FRAS1: variants seen among roughly 807,000 people sequenced by gnomAD.
FRAS1 encodes extracellular matrix organizing protein FRAS1.
A neutral mutation model predicts 435.2 loss-of-function variants in FRAS1; 290 were observed. The observed-to-expected ratio is 0.67, with a 90% CI of 0.61 to 0.73. The LOEUF (loss-of-function observed/expected upper bound fraction) is 0.73, where lower values mean the gene tolerates loss of function less well. Among genes scored for constraint, FRAS1 ranks in the 30% least tolerant of loss-of-function variants. The pLI is 0.00. For synonymous variants in FRAS1, 1,800 were observed against 1,851.0 expected (o/e 0.97, Z 0.71); for missense variants, 4,860 against 5,001.5 (o/e 0.97, Z 0.85).
chr4:78,306,608 T>C (rs1728726989), intron 14 of FRAS1, among the ~76,000 whole-genome samples: 1 of 144,788 alleles, frequency 6.9e-6, no homozygotes, highest in South Asian at 2.3e-4. Flanking sequence ...TTCATTTCAT[T>C]CATTTCATCT....
chr4:78,085,118 CTT>C (rs1241352885), intron 2 of FRAS1, among the ~76,000 whole-genome samples: 1 of 151,878 alleles, frequency 6.6e-6, no homozygotes, highest in East Asian at 1.9e-4. Context: ...TTTAGAATGT[CTT>C]TTGTCTAAGG....
intron 2 of FRAS1, among the ~76,000 whole-genome samples, chr4:78,228,527 G>C (rs1228108475): frequency 2.0e-5 from 3 of 152,032 alleles, no homozygotes; most frequent in Non-Finnish European, 2.9e-5. Context: ...ACATTTTCTG[G>C]GTATTTTATT....
intron 15 of FRAS1, among the ~76,000 whole-genome samples, chr4:78,311,209 T>A (rs1022151566): frequency 2.0e-5 from 3 of 152,180 alleles, no homozygotes; most frequent in Non-Finnish European, 4.4e-5. Context: ...TCCCTTTTTT[T>A]AATCTTCATT....
intron 14 of FRAS1, among the ~76,000 whole-genome samples, chr4:78,298,507 TG>T (rs1183997102): frequency 1.3e-5 from 2 of 152,010 alleles, no homozygotes; most frequent in African/African-American, 4.8e-5. Context: ...TGTCTGGCCA[TG>T]GAACATGTCT....
Position 78,513,451 on chromosome 4 carries a change from T to C in FRAS1, c.10073T>C (p.Met3358Thr). 1 of 1,614,006 alleles carries C rather than the reference T, an allele frequency of 6.2e-7. No individual in the cohort carries two copies. Among genetic ancestry groups the C allele is most frequent in the Non-Finnish European group, 8.5e-7 (1 of 1,179,874 alleles). ...QDGMLPLIST[M>T]PLHNLHFLLS... is the part of the protein sequence containing the mutation. ...GGAATGCTGCCCCTTATCTCCACCA[T>C]GCCGTTGCACAACTTACATTTTCTA... is the stretch of plus-strand genomic sequence containing the variant. The change falls in exon 65 of 74, where the codon ATG (methionine) becomes ACG (threonine). Residue 3358 changes from methionine (M) to threonine (T), a missense_variant. Transcript: ENST00000512123.
chr4:78,164,049 G>A (rs1364409153), intron 2 of FRAS1, among the ~76,000 whole-genome samples: 1 of 152,206 alleles, frequency 6.6e-6, no homozygotes, highest in African/African-American at 2.4e-5. Context: ...CAATAAGCTG[G>A]CGATAGCTAG....
chr4:78,174,014 T>C (rs1721661590), intron 2 of FRAS1, among the ~76,000 whole-genome samples: 1 of 152,242 alleles, frequency 6.6e-6, no homozygotes, highest in Non-Finnish European at 1.5e-5. Flanking sequence ...TGACTAACTC[T>C]TGATTGCCAC....
At chr4:78,284,635 A>T (rs1021515025) in intron 13 of FRAS1, 87 bp downstream of exon 13, 1 of 1,261,958 alleles carries the variant, frequency 7.9e-7, no homozygotes, top group Non-Finnish European at 1.1e-6. Context: ...GAGGCTCAGT[A>T]TTGTCAAGGA....
chr4:78,161,437 AC>A (rs887932881), intron 2 of FRAS1, among the ~76,000 whole-genome samples: 1 of 151,756 alleles, frequency 6.6e-6, no homozygotes. Flanking sequence ...TGATTTTCTC[AC>A]TCGTGATGTG....
chr4:78,135,796 G>A (rs1719893524), intron 2 of FRAS1, among the ~76,000 whole-genome samples: 1 of 152,116 alleles, frequency 6.6e-6, no homozygotes, highest in Non-Finnish European at 1.5e-5. Flanking sequence ...CCACACAACT[G>A]TATGTGGAAG....
At chr4:78,514,862 T>C (rs1184403777) in intron 65 of FRAS1, among the ~76,000 whole-genome samples, 1 of 151,588 alleles carries the variant, frequency 6.6e-6, no homozygotes, top group Non-Finnish European at 1.5e-5. Context: ...AGCTTAGGAG[T>C]TTGAGACCAG....
intron 50 of FRAS1, among the ~76,000 whole-genome samples, chr4:78,468,226 G>A (rs4975122): frequency 0.33 from 49,597 of 151,944 alleles, 8,813 homozygotes; most frequent in Admixed American, 0.41. Flanking sequence ...TTAATTCTTT[G>A]GTCGATTTTG....
chr4:78,078,058 C>A (rs28477353), intron 2 of FRAS1, among the ~76,000 whole-genome samples: 19,416 of 152,038 alleles, frequency 0.13, 1,309 homozygotes, highest in Middle Eastern at 0.19. Context: ...ATGGGCACTG[C>A]AATATGCACA....
rs566561791 is a variant in FRAS1, at chr4:78,120,887, G to A, written c.108+54871G>A. ...ATCTGGAGTAGTGATACAGGTGGGG[G>A]GGATGGAGTTACAGTAGTTCTGGCA... On this transcript the variant is annotated intron_variant, in intron 2 of 73. Coordinates refer to ENST00000512123, the MANE Select transcript of FRAS1 (RefSeq NM_025074.7). Among the ~76,000 whole-genome samples, 3 of 152,266 alleles carry A rather than the reference G, an allele frequency of 2.0e-5. No homozygotes were observed. In the South Asian group the frequency reaches 6.2e-4, roughly 32 times the overall value.
In FRAS1 at chr4:78,464,465, C is replaced by G; in HGVS notation, c.6911C>G (p.Thr2304Ser). 1 of 1,614,020 alleles carries G rather than the reference C, an allele frequency of 6.2e-7. No homozygotes were observed. The highest frequency in any genetic ancestry group is 8.5e-7 in the Non-Finnish European group (1 of 1,179,870). Residue 2304 changes from threonine (T) to serine (S), a missense_variant, in exon 49 of 74, where the codon ACT (threonine) becomes AGT (serine). Transcript: ENST00000512123. ...TAGGTGACTCAGACTTTCCATATCA[C>G]TCTTCACCCTGTCGATGATTCGCTG... ...VSEVTQTFHI[T>S]LHPVDDSLPV...
chr4:78,249,048 G>GATATATATATATGC (rs1725389311), intron 4 of FRAS1, among the ~76,000 whole-genome samples: 9 of 27,512 alleles, frequency 3.3e-4, no homozygotes, highest in African/African-American at 7.6e-4. Context: ...AAGAACTACT[G>GATATATATATATGC]ATATATATAT....
Position 78,314,696 on chromosome 4 carries a change from C to T in FRAS1, c.1679-898C>T, listed in dbSNP as rs17003123. ...TCCAGCCAAATGAAACTACTGTTTT[C>T]CTGGGCAGCCTAGTCTCCTCCCAGG... On this transcript the variant is annotated intron_variant, in intron 15 of 73. Coordinates refer to ENST00000512123, the MANE Select transcript of FRAS1 (RefSeq NM_025074.7). 7.5e-3 allele frequency among the ~76,000 whole-genome samples: 1,144 copies of T among 152,256 alleles called. 12 individuals are homozygous for T. The highest frequency in any genetic ancestry group is 0.027 in the Middle Eastern group (8 of 294).
intron 51 of FRAS1, among the ~76,000 whole-genome samples, chr4:78,471,048 TACC>T (rs1719692021): frequency 6.6e-6 from 1 of 152,196 alleles, no homozygotes; most frequent in Non-Finnish European, 1.5e-5. Flanking sequence ...ATCGAGTGTC[TACC>T]ATAAATGAGA....
chr4:78,212,246 T>G (rs998581700), intron 2 of FRAS1, among the ~76,000 whole-genome samples: 1 of 152,216 alleles, frequency 6.6e-6, no homozygotes, highest in African/African-American at 2.4e-5. Context: ...AAGTCTCATC[T>G]AAAATGTTAC....
Sources: gnomAD v4.1 joint callset for allele counts (sites outside exome capture counted in the v4.1 genomes callset) on GRCh38, gnomAD v4.1.1 for gene constraint, MANE v1.5 for transcripts, NCBI Gene and HGNC (gene_info 2026-07-23, HGNC 2026-07-21) for gene names.